CCDC88A: variants seen among roughly 807,000 people sequenced by gnomAD.
The protein encoded by CCDC88A is coiled-coil and HOOK domain protein 88A, also known as girdin.
In CCDC88A, 54 loss-of-function variants were observed where a neutral mutation model predicts 234.3. The ratio of observed to expected loss-of-function variants is 0.23; its 90% confidence interval spans 0.19 to 0.29. The LOEUF is 0.29. Ranked by LOEUF, CCDC88A falls within the 10% of genes least tolerant of loss-of-function variation. The pLI is 1.00. For synonymous variants in CCDC88A, 753 were observed against 737.8 expected (o/e 1.02, Z -0.33); for missense variants, 1,832 against 2,123.4 (o/e 0.86, Z 2.70).
At chr2:55,329,250 G>C (rs1254860993) in intron 16 of CCDC88A, 1 of 152,078 alleles carries the variant, frequency 6.6e-6, no homozygotes, top group Non-Finnish European at 1.5e-5. Context: ...TCACAAAAAG[G>C]ATGGTATATG....
chr2:55,308,519 G>C (rs1414527689), intron 25 of CCDC88A: 2 of 315,038 alleles, frequency 6.3e-6, no homozygotes, highest in South Asian at 4.6e-5. Flanking sequence ...AAGGTAAAAG[G>C]CTTGCCCATA....
chr2:55,317,667 G>A lies in CCDC88A; in HGVS notation c.3499C>T (p.His1167Tyr), dbSNP rs775628993. 3.1e-6 allele frequency: 5 copies of A among 1,613,450 alleles called. No individual in the cohort carries two copies. In the East Asian group the frequency reaches 8.9e-5, roughly 29 times the overall value. The part of the protein sequence containing the change: ...IKDHEKLELL[H>Y]ERQASEYESL... The stretch of plus-strand genomic sequence containing the variant: ...TCATACTCTGAAGCCTGACGTTCAT[G>A]AAGAAGTTCCAGCTTTTCATGATCT... Residue 1167 changes from histidine (H) to tyrosine (Y), a missense_variant, in exon 20 of 33, where the codon CAT (histidine) becomes TAT (tyrosine). His to Tyr is a moderately conservative substitution (Grantham distance 83). Coordinates refer to ENST00000436346, the MANE Select transcript of CCDC88A (RefSeq NM_001365480.1). This position sits in a 1 kb window ranked among gnomAD's most constrained non-coding sequence, Gnocchi z 4.2.
chr2:55,352,704 A>G (rs940468885), intron 8 of CCDC88A, among the ~76,000 whole-genome samples: 1 of 152,206 alleles, frequency 6.6e-6, no homozygotes, highest in African/African-American at 2.4e-5. Context: ...TGAAATTGCT[A>G]TTTTAAATTT....
At chr2:55,302,165 G>T in intron 26 of CCDC88A, 93 bp from the exon 27 acceptor site, 1 of 937,192 alleles carries the variant, frequency 1.1e-6, no homozygotes. Context: ...TTTTGTCTAT[G>T]AATTAATGCA....
chr2:55,309,279 G>T lies in CCDC88A; in HGVS notation c.4080-25C>A. On this transcript the variant is annotated intron_variant, in intron 23 of 32. Transcript: ENST00000436346. The surrounding 1 kb of genome is among the most constrained non-coding windows in gnomAD (Gnocchi z 5.1). Reference sequence around the variant, plus strand: ...ACTATAAAATAAAAATTACCTTTTAGGACAGGCATCATATTTTGTACAGCT... The same window carrying T: ...ACTATAAAATAAAAATTACCTTTTATGACAGGCATCATATTTTGTACAGCT... 9.6e-7 allele frequency: 1 copy of T among 1,045,810 alleles called. No homozygotes were observed. The highest frequency in any genetic ancestry group is 1.4e-6 in the Non-Finnish European group (1 of 690,820). The allele number at this position is 1,045,810 out of a possible 1,614,324, so 64.8% of individuals were successfully genotyped here. A position where few individuals can be genotyped will look rare whatever the true frequency, so the allele number is the denominator to read the frequency against.
At chr2:55,401,386 A>G (rs901368335) in intron 2 of CCDC88A, among the ~76,000 whole-genome samples, 3 of 144,664 alleles carry the variant, frequency 2.1e-5, no homozygotes, top group African/African-American at 7.6e-5. Context: ...GTGAACTATG[A>G]TCTCACCACT....
intron 7 of CCDC88A, 95 bp downstream of exon 7, chr2:55,362,213 C>CT: frequency 1.0e-6 from 1 of 985,076 alleles, no homozygotes; most frequent in South Asian, 1.9e-5. Context: ...TCACCTGTCT[C>CT]TAAGAAATAG....
chr2:55,341,239 G>C (rs1015653473), intron 12 of CCDC88A, among the ~76,000 whole-genome samples: 1 of 147,468 alleles, frequency 6.8e-6, no homozygotes, highest in East Asian at 2.0e-4. Flanking sequence ...TCTGCCTCTC[G>C]GGTTCAAGCG....
At chr2:55,343,912 T>A in intron 11 of CCDC88A, 120 bp from the exon 12 acceptor site, 1 of 853,764 alleles carries the variant, frequency 1.2e-6, no homozygotes, top group Non-Finnish European at 1.7e-6. Context: ...ATGAGTTCTT[T>A]AAATTTTTCA....
chr2:55,293,917 T>C (rs957655114), intron 31 of CCDC88A: 3 of 119,472 alleles, frequency 2.5e-5, no homozygotes, highest in Admixed American at 1.5e-4. Context: ...ATTTTCTTAC[T>C]TTTTTTTTTT....
intron 2 of CCDC88A, among the ~76,000 whole-genome samples, chr2:55,412,928 C>T (rs1026056479): frequency 1.3e-5 from 2 of 152,150 alleles, no homozygotes; most frequent in African/African-American, 2.4e-5. Flanking sequence ...GTCGGCCAGG[C>T]GCAGTGGCTC....
At chr2:55,351,412 G>A (rs2104748502) in intron 8 of CCDC88A, among the ~76,000 whole-genome samples, 1 of 151,984 alleles carries the variant, frequency 6.6e-6, no homozygotes, top group South Asian at 2.1e-4. Context: ...TAGTGGTGCA[G>A]TCCCAGCTCA....
rs1289445390 is a variant in CCDC88A, at chr2:55,289,076, A to T, written c.*2124T>A. On this transcript the variant is annotated 3_prime_UTR_variant, in exon 33 of 33. Transcript: ENST00000436346. The stretch of plus-strand genomic sequence containing the variant: ...GTCCCTTCTCAGGGTCAGCCTACTC[A>T]GATTCAGTACTTTACACGTTGTTTT... 1 of 152,654 alleles carries T rather than the reference A, an allele frequency of 6.6e-6. No homozygotes were observed. Among genetic ancestry groups the T allele is most frequent in the Non-Finnish European group, 1.5e-5 (1 of 68,030 alleles). 9.5% of individuals were successfully genotyped at this position (152,654 alleles called of 1,614,324 possible).
chr2:55,394,630 G>A (rs906689109), intron 2 of CCDC88A: 2 of 138,242 alleles, frequency 1.4e-5, no homozygotes, highest in African/African-American at 5.5e-5. Context: ...GACACAGGAA[G>A]GGGAACATCA....
chr2:55,318,257 G>A (rs181253177), intron 19 of CCDC88A, among the ~76,000 whole-genome samples: 1 of 152,236 alleles, frequency 6.6e-6, no homozygotes, highest in East Asian at 1.9e-4. Flanking sequence ...AATTAAATAA[G>A]TATTTTCTTT....
intron 31 of CCDC88A, chr2:55,292,868 C>G (rs1167366985): frequency 6.6e-6 from 1 of 152,146 alleles, no homozygotes; most frequent in Non-Finnish European, 1.5e-5. Context: ...CTCAAACAAA[C>G]AAACAAAAAG....
In CCDC88A at chr2:55,317,634, T is replaced by C; in HGVS notation, c.3532A>G (p.Ile1178Val). The C allele has an allele frequency of 6.2e-7, 1 of 1,611,422 alleles. No individual in the cohort carries two copies. The change falls in exon 20 of 33, where the codon ATC becomes GTC. Residue 1178 changes from isoleucine (I) to valine (V), a missense_variant. This residue lies in a region of CCDC88A where 1,282 missense variants were observed against 1,543.6 expected (regional missense o/e 0.83). Transcript: ENST00000436346. This position sits in a 1 kb window ranked among gnomAD's most constrained non-coding sequence, Gnocchi z 4.2. ...GACTTCAGAGTTCCATGTTTAGAGA[T>C]AAGAGATTCATACTCTGAAGCCTGA... is the stretch of plus-strand genomic sequence containing the variant. The part of the protein sequence containing the change: ...ERQASEYESL[I>V]SKHGTLKSAH...
In CCDC88A at chr2:55,312,512, A is replaced by G. The variant is rs776028631; in HGVS notation, c.4001T>C (p.Leu1334Ser). 3 of 1,611,868 alleles carry G rather than the reference A, an allele frequency of 1.9e-6. No individual in the cohort carries two copies. Among genetic ancestry groups the G allele is most frequent in the Non-Finnish European group, 2.5e-6 (3 of 1,179,126 alleles). Residue 1334 changes from leucine (L) to serine (S), a missense_variant, in exon 23 of 33, where the codon TTA becomes TCA. Transcript: ENST00000436346. ...NRHLLDQIQT[L>S]MLQNRTLLEQ... Reference sequence around the variant, plus strand: ...CAAAAGTGTTCTGTTCTGTAGCATTAATGTCTGAATTTGATCTAGTAGATG... The same window carrying G: ...CAAAAGTGTTCTGTTCTGTAGCATTGATGTCTGAATTTGATCTAGTAGATG...
chr2:55,375,512 T>TATATATATATATAC (rs1491498389), intron 3 of CCDC88A, among the ~76,000 whole-genome samples: 8 of 13,856 alleles, frequency 5.8e-4, no homozygotes, highest in African/African-American at 1.3e-3. Context: ...TATATATATA[T>TATATATATATATAC]GTATGTATGT....
Sources: gnomAD v4.1 joint callset for allele counts (sites outside exome capture counted in the v4.1 genomes callset) on GRCh38, gnomAD v4.1.1 for gene constraint, gnomAD v4.1.1 regional missense constraint, Gnocchi (gnomAD v3.1) non-coding constraint, MANE v1.5 for transcripts, NCBI Gene and HGNC (gene_info 2026-07-23, HGNC 2026-07-21) for gene names.